Variants in SPATS2 observed in about 807,000 individuals in gnomAD.
SPATS2 encodes the protein spermatogenesis-associated serine-rich protein 2.
In SPATS2, 38 loss-of-function variants were observed where a neutral mutation model predicts 63.7. The observed-to-expected ratio is 0.60, with a 90% confidence interval of 0.46 to 0.78. The LOEUF (loss-of-function observed/expected upper bound fraction) is 0.78. SPATS2 is among the 30% of genes least tolerant of loss of function. The pLI is 0.00. For missense variants in SPATS2, 588 were observed against 666.2 expected, an observed-to-expected ratio of 0.88 and a Z score of 1.29; for synonymous variants, 207 against 232.9, an observed-to-expected ratio of 0.89 and a Z score of 1.01.
chr12:49,494,099 C>G (rs1040877917), intron 6 of SPATS2, among the ~76,000 whole-genome samples: 1 of 151,994 alleles, frequency 6.6e-6, no homozygotes, highest in Non-Finnish European at 1.5e-5. Context: ...GAATAAATTC[C>G]TAGAAGTAGG....
chr12:49,457,741 TTTTC>T (rs1193523111), intron 2 of SPATS2, among the ~76,000 whole-genome samples: 2 of 152,156 alleles, frequency 1.3e-5, no homozygotes, highest in Non-Finnish European at 2.9e-5. Flanking sequence ...CCTCATCCTG[TTTTC>T]TTTAACCTGA....
chr12:49,371,783 A>G (rs1463353619), intron 2 of SPATS2, among the ~76,000 whole-genome samples: 2 of 152,028 alleles, frequency 1.3e-5, no homozygotes, highest in African/African-American at 4.8e-5. Flanking sequence ...CGTTTAAACA[A>G]CTAGATCTTG....
intron 8 of SPATS2, 112 bp from the exon 9 acceptor site, chr12:49,499,958 G>A: frequency 1.2e-6 from 1 of 849,834 alleles, no homozygotes; most frequent in Non-Finnish European, 1.6e-6. Context: ...TGGTTATTTA[G>A]GAAAGATTCT....
At chr12:49,408,663 C>G (rs1190638194) in intron 2 of SPATS2, among the ~76,000 whole-genome samples, 1 of 148,368 alleles carries the variant, frequency 6.7e-6, no homozygotes, top group African/African-American at 2.5e-5. Flanking sequence ...TCAAGTGATT[C>G]TCCTGCCTCA....
chr12:49,517,305 C>T (rs1175071308), intron 10 of SPATS2, among the ~76,000 whole-genome samples: 1 of 152,188 alleles, frequency 6.6e-6, no homozygotes, highest in Non-Finnish European at 1.5e-5. Flanking sequence ...ATTAGTGTGA[C>T]TTGGGTCTAG....
rs375971201 is a variant in SPATS2 at position 49,399,993 on chromosome 12, G to A, written c.-244+28703G>A. ...GGAGCTTGCAGTGAGCAGCGATCACGCCACTGCACTCCAGCCTGGGCGACA... is the reference window on the plus strand; with the variant it reads ...GGAGCTTGCAGTGAGCAGCGATCACACCACTGCACTCCAGCCTGGGCGACA... On this transcript the variant is annotated intron_variant, in intron 2 of 13. Coordinates refer to ENST00000552918, the MANE Select transcript of SPATS2 (RefSeq NM_023071.4). Among the ~76,000 whole-genome samples, 31 of 152,264 alleles carry A rather than the reference G, an allele frequency of 2.0e-4. No homozygotes were observed. In the South Asian group the frequency reaches 5.6e-3, roughly 27 times the overall value.
At chr12:49,441,679 G>A (rs140092664) in intron 2 of SPATS2, 1 of 152,032 alleles carries the variant, frequency 6.6e-6, no homozygotes, top group African/African-American at 2.4e-5. Context: ...AATTCTTAAC[G>A]TATGTACCGA....
rs374123388 is a variant in SPATS2, at chr12:49,428,040, G to A, written c.-243-32730G>A. Among the ~76,000 whole-genome samples, 111 of 152,060 alleles carry A rather than the reference G, an allele frequency of 7.3e-4. 1 individual carries two copies. Among genetic ancestry groups the A allele is most frequent in the African/African-American group, 2.5e-3 (103 of 41,502 alleles). ...GGAGGCCGAGGTGGGCGGATCACGA[G>A]GTCAGGAGATCGAGACCATCCTGGC... On this transcript the variant is annotated intron_variant, in intron 2 of 13. Transcript: ENST00000552918.
At chr12:49,515,838 C>T (rs916163897) in intron 10 of SPATS2, among the ~76,000 whole-genome samples, 1 of 151,902 alleles carries the variant, frequency 6.6e-6, no homozygotes, top group Non-Finnish European at 1.5e-5. Flanking sequence ...GAAACCTCGT[C>T]TCTACAAAAA....
intron 2 of SPATS2, among the ~76,000 whole-genome samples, chr12:49,404,057 G>A (rs551815910): frequency 6.6e-6 from 1 of 152,264 alleles, no homozygotes; most frequent in South Asian, 2.1e-4. Flanking sequence ...CCAGGCACTG[G>A]GCTAGATGCT....
chr12:49,479,072 C>T (rs1946164082), intron 3 of SPATS2, among the ~76,000 whole-genome samples: 1 of 152,328 alleles, frequency 6.6e-6, no homozygotes, highest in African/African-American at 2.4e-5. Flanking sequence ...GAAGGTGGCT[C>T]CTCTCTGCAG....
At chr12:49,452,933 G>A (rs1478909705) in intron 2 of SPATS2, among the ~76,000 whole-genome samples, 3 of 151,714 alleles carry the variant, frequency 2.0e-5, no homozygotes, top group Non-Finnish European at 4.4e-5. Flanking sequence ...CGAGGCGGGC[G>A]GATCACGAGG....
chr12:49,369,866 T>C (rs1943968208), intron 1 of SPATS2, among the ~76,000 whole-genome samples: 1 of 152,210 alleles, frequency 6.6e-6, no homozygotes. Context: ...CAATTAACTC[T>C]GGAAAACAAT....
intron 11 of SPATS2, among the ~76,000 whole-genome samples, chr12:49,522,365 T>C (rs1946955656): frequency 6.6e-6 from 1 of 152,256 alleles, no homozygotes; most frequent in African/African-American, 2.4e-5. Flanking sequence ...TCTATCTAAA[T>C]GGTATCATTG....
In SPATS2 at chr12:49,524,892, G is replaced by C; in HGVS notation, c.1322G>C (p.Arg441Pro). 1 of 1,613,110 alleles carries C rather than the reference G, an allele frequency of 6.2e-7. No individual in the cohort carries two copies. Among genetic ancestry groups the C allele is most frequent in the East Asian group, 2.2e-5 (1 of 44,882 alleles). Reference sequence around the variant, plus strand: ...AGTGGCCAGCCCTACCAGCCACTTCGGGAGGTAACCTAGCTTCTACACTGA... The same window carrying C: ...AGTGGCCAGCCCTACCAGCCACTTCCGGAGGTAACCTAGCTTCTACACTGA... The part of the protein sequence containing the change: ...NSSGQPYQPL[R>P]EVLPGNRRGG... The change falls in exon 13 of 14, where the codon CGG (arginine) becomes CCG (proline). Residue 441 changes from arginine to proline, a missense_variant. By Grantham distance (103) the Arg-to-Pro change is moderately radical. Transcript: ENST00000552918.
rs760761053 is a variant in SPATS2 at position 49,497,106 on chromosome 12, G to A, written c.703+97G>A. The A allele has an allele frequency of 1.1e-4, 131 of 1,224,406 alleles. 4 individuals are homozygous for A. In the Middle Eastern group the frequency reaches 0.013, roughly 126 times the overall value. 75.8% of individuals were successfully genotyped at this position (1,224,406 alleles called of 1,614,324 possible). ...TGTTGCCATAAATAAGGTTTCAGAA[G>A]GGCATCAGTTAATATTTTTCCATTT... On this transcript the variant is annotated intron_variant, in intron 8 of 13. Transcript: ENST00000552918.
At chr12:49,431,809 G>T (rs1945190770) in intron 2 of SPATS2, among the ~76,000 whole-genome samples, 2 of 152,054 alleles carry the variant, frequency 1.3e-5, no homozygotes, top group Admixed American at 1.3e-4. Flanking sequence ...GAGGCAGGAG[G>T]ATCACTTGAG....
At chr12:49,386,221 G>T (rs940740664) in intron 2 of SPATS2, among the ~76,000 whole-genome samples, 3 of 152,018 alleles carry the variant, frequency 2.0e-5, no homozygotes, top group Non-Finnish European at 4.4e-5. Context: ...CTGGAGTGCA[G>T]TGGTGCCATC....
chr12:49,505,687 A>C (rs1166461841), intron 9 of SPATS2, among the ~76,000 whole-genome samples: 2 of 152,208 alleles, frequency 1.3e-5, no homozygotes, highest in Non-Finnish European at 1.5e-5. Flanking sequence ...GGATTTTTTT[A>C]ATCCTGATTT....
Sources: gnomAD v4.1 joint callset for allele counts (sites outside exome capture counted in the v4.1 genomes callset) on GRCh38, gnomAD v4.1.1 for gene constraint, MANE v1.5 for transcripts, NCBI Gene and HGNC (gene_info 2026-07-23, HGNC 2026-07-21) for gene names.